The following H3C4 variants were observed in gnomAD, a reference collection of about 807,000 sequenced individuals.
H3C4 encodes histone H3.1.
Under a neutral mutation model 8.7 loss-of-function variants are expected in H3C4, and 10 were observed. That is an observed-to-expected ratio of 1.15 (90% CI 0.71 to 1.96). The LOEUF is 1.96. Ranked by LOEUF, H3C4 falls within the 30% of genes most tolerant of loss-of-function variation. The pLI is 0.00. For synonymous variants in H3C4, 141 were observed against 80.1 expected, an observed-to-expected ratio of 1.76 and a Z score of -4.06; for missense variants, 216 against 192.9, an observed-to-expected ratio of 1.12 and a Z score of -0.71.
chr6:26,197,414 C>T (rs1328335930), upstream of H3C4: 4 of 652,792 alleles, frequency 6.1e-6, no homozygotes, highest in Non-Finnish European at 5.2e-6. Flanking sequence ...TGCATGTAGA[C>T]CAAATATTAA....
Position 26,196,908 on chromosome 6 carries a change from C to T in H3C4, c.343G>A (p.Ala115Thr). The T allele has an allele frequency of 1.1e-5, 18 of 1,614,238 alleles. No homozygotes were observed. The highest frequency in any genetic ancestry group is 1.5e-5 in the Non-Finnish European group (18 of 1,180,036). ...FEDTNLCAIH[A>T]KRVTIMPKDI... ...TTGGGCATGATAGTCACTCGCTTGG[C>T]GTGAATGGCGCATAGGTTGGTGTCC... Residue 115 changes from alanine (A) to threonine (T), a missense_variant, in exon 1 of 1, where the codon GCC (alanine) becomes ACC (threonine). Coordinates refer to ENST00000356476, the MANE Select transcript of H3C4 (RefSeq NM_001376937.1).
At chr6:26,198,643 G>A (rs1285788991), upstream of H3C4, among the ~76,000 whole-genome samples, 1 of 152,130 alleles carries the variant, frequency 6.6e-6, no homozygotes, top group Non-Finnish European at 1.5e-5. Context: ...ATTTGCTTAT[G>A]TATTTTTATG....
At chr6:26,199,138 G>C (rs1485998386), upstream of H3C4, 1 of 1,614,204 alleles carries the variant, frequency 6.2e-7, no homozygotes, top group Non-Finnish European at 8.5e-7. Flanking sequence ...TTGCCCTTGC[G>C]GAGCAAGCGG....
rs773400070 is a variant in H3C4, at chr6:26,197,285, A to G, written c.-35T>C. On this transcript the variant is annotated 5_prime_UTR_variant, in exon 1 of 1. Transcript: ENST00000356476. ...CTAAACCCTGCTAAATGACGAAAAA[A>G]CGAAAGTCTAGCCTTTCGTACCCGT... 2.0e-5 allele frequency: 32 copies of G among 1,588,838 alleles called. No individual in the cohort carries two copies. In the South Asian group the frequency reaches 2.7e-4, roughly 14 times the overall value.
chr6:26,198,762 G>A (rs2113859242), upstream of H3C4: 4 of 1,299,882 alleles, frequency 3.1e-6, no homozygotes, highest in Admixed American at 2.3e-5. Context: ...CACAGAAAAT[G>A]TGAGCCCTTT....
At chr6:26,199,000 G>A (rs745520217), upstream of H3C4, 7 of 1,614,016 alleles carry the variant, frequency 4.3e-6, no homozygotes, top group African/African-American at 1.3e-5. Flanking sequence ...TGCAGGTGTC[G>A]GGGGATGATG....
upstream of H3C4, chr6:26,198,774 A>C (rs1042291244): frequency 3.5e-6 from 5 of 1,426,304 alleles, no homozygotes; most frequent in Admixed American, 6.6e-5. Context: ...GAGCCCTTTT[A>C]AGGAATACAT....
chr6:26,197,730 C>A (rs552011159), upstream of H3C4, among the ~76,000 whole-genome samples: 42 of 152,104 alleles, frequency 2.8e-4, no homozygotes, highest in South Asian at 7.3e-3. Flanking sequence ...ATAATTTGTT[C>A]CAAATGCACC....
chr6:26,197,657 CTT>C (rs776676648), upstream of H3C4, among the ~76,000 whole-genome samples: 8 of 152,060 alleles, frequency 5.3e-5, no homozygotes, highest in East Asian at 1.9e-4. Flanking sequence ...TTTTTACCCT[CTT>C]AAGTTTAGAA....
At chr6:26,197,313 A>G (rs974361632), upstream of H3C4, 5 of 1,545,220 alleles carry the variant, frequency 3.2e-6, no homozygotes, top group East Asian at 9.0e-5. Flanking sequence ...GTACCCGTAT[A>G]TATAAAGACA....
upstream of H3C4, chr6:26,198,825 A>T (rs1765049936): frequency 6.2e-7 from 1 of 1,602,094 alleles, no homozygotes; most frequent in East Asian, 2.2e-5. Flanking sequence ...CTGCTTCCTT[A>T]AAAAGCCAAT....
At chr6:26,199,102 C>T (rs1201618123), upstream of H3C4, 6 of 1,614,046 alleles carry the variant, frequency 3.7e-6, no homozygotes, top group East Asian at 4.5e-5. Context: ...TACACTGGCG[C>T]GCCGGCCCCG....
upstream of H3C4, among the ~76,000 whole-genome samples, chr6:26,197,977 C>T (rs1378626794): frequency 1.3e-5 from 2 of 151,590 alleles, no homozygotes; most frequent in African/African-American, 4.9e-5. Context: ...GAAGCTCCAC[C>T]TAAGGGCCGT....
At chr6:26,197,407 A>C, upstream of H3C4, 1 of 669,006 alleles carries the variant, frequency 1.5e-6, no homozygotes, top group South Asian at 2.0e-5. Context: ...CATCTCCTGC[A>C]TGTAGACCAA....
upstream of H3C4, chr6:26,198,719 AATT>A (rs1193642226): frequency 1.5e-5 from 13 of 862,854 alleles, no homozygotes; most frequent in African/African-American, 3.4e-5. Context: ...TAAATGGAAA[AATT>A]ATTAAAGAAA....
Position 26,197,194 on chromosome 6 carries a change from C to T in H3C4, c.57G>A (p.Lys19=), listed in dbSNP as rs549369623. ...RKSTGGKAPR[K]QLATKAARKS... ...TTCGAGCAGCCTTGGTGGCCAGCTGCTTGCGTGGCGCTTTCCCACCCGTGG... is the reference window on the plus strand; with the variant it reads ...TTCGAGCAGCCTTGGTGGCCAGCTGTTTGCGTGGCGCTTTCCCACCCGTGG... Residue 19 remains lysine, a synonymous_variant, in exon 1 of 1, where the codon AAG becomes AAA. Transcript: ENST00000356476. 9 of 1,614,104 alleles carry T rather than the reference C, an allele frequency of 5.6e-6. No homozygotes were observed. The highest frequency in any genetic ancestry group is 5.3e-5 in the African/African-American group (4 of 75,062).
At chr6:26,197,405 G>A (rs1053768579), upstream of H3C4, 2 of 677,526 alleles carry the variant, frequency 3.0e-6, no homozygotes, top group Non-Finnish European at 5.0e-6. Flanking sequence ...AACATCTCCT[G>A]CATGTAGACC....
At chr6:26,198,970 C>A (rs1765055588), upstream of H3C4, 1 of 1,614,086 alleles carries the variant, frequency 6.2e-7, no homozygotes, top group African/African-American at 1.3e-5. Flanking sequence ...TTTAGCTCCT[C>A]GTCGTTGCGG....
upstream of H3C4, among the ~76,000 whole-genome samples, chr6:26,197,528 A>G (rs1448263631): frequency 6.6e-6 from 1 of 151,946 alleles, no homozygotes; most frequent in Non-Finnish European, 1.5e-5. Flanking sequence ...TCCTTGGCAA[A>G]ATTGTGTCTA....
Sources: gnomAD v4.1 joint callset for allele counts (sites outside exome capture counted in the v4.1 genomes callset) on GRCh38, gnomAD v4.1.1 for gene constraint, MANE v1.5 for transcripts, NCBI Gene and HGNC (gene_info 2026-07-23, HGNC 2026-07-21) for gene names.